Variants in PGAP2 observed in about 807,000 individuals in gnomAD.
PGAP2 encodes the protein post-GPI attachment to proteins 2.
PGAP2 carries 21 observed loss-of-function variants against 33.2 expected under a neutral mutation model. That is an observed-to-expected ratio of 0.63 (90% CI 0.45 to 0.91). The LOEUF (loss-of-function observed/expected upper bound fraction) is 0.91. Ranked by LOEUF, PGAP2 falls within the 40% of genes least tolerant of loss-of-function variation. PGAP2 has a pLI of 0.00. For synonymous variants in PGAP2, 161 were observed against 172.9 expected (o/e 0.93, Z 0.54); for missense variants, 345 against 424.0 (o/e 0.81, Z 1.64).
In PGAP2 at chr11:3,808,645, C is replaced by T. The variant is rs1016884906; in HGVS notation, c.-17C>T. ...GTTCCGCCGGCACTCTCGCCACCAC[C>T]GCGTGGGTGAGTATGGGCATGGATG... On this transcript the variant is annotated 5_prime_UTR_variant, in exon 1 of 7. Coordinates refer to ENST00000278243, the MANE Select transcript of PGAP2 (RefSeq NM_014489.4). 164 of 1,269,162 alleles carry T rather than the reference C, an allele frequency of 1.3e-4. No homozygotes were observed. Among genetic ancestry groups the T allele is most frequent in the Non-Finnish European group, 1.5e-4 (155 of 1,001,974 alleles). The allele number at this position is 1,269,162 out of a possible 1,614,324, so 78.6% of individuals were successfully genotyped here. A position where few individuals can be genotyped will look rare whatever the true frequency, so the allele number is the denominator to read the frequency against.
chr11:3,803,351 T>C (rs530667179), intron 1 of PGAP2, among the ~76,000 whole-genome samples: 1 of 148,826 alleles, frequency 6.7e-6, no homozygotes, highest in Non-Finnish European at 1.5e-5. Context: ...ATGGTCTCGA[T>C]CTCCTGACCT....
At chr11:3,818,563 C>T (rs890360881) in intron 3 of PGAP2, among the ~76,000 whole-genome samples, 5 of 152,142 alleles carry the variant, frequency 3.3e-5, no homozygotes, top group African/African-American at 9.7e-5. Flanking sequence ...TGATCTGGAT[C>T]CTCAAGCTTT....
At chr11:3,807,555 G>A (rs1355044637), upstream of PGAP2, among the ~76,000 whole-genome samples, 1 of 151,832 alleles carries the variant, frequency 6.6e-6, no homozygotes, top group Non-Finnish European at 1.5e-5. Flanking sequence ...TGATCCGCCC[G>A]CCTCGGCCTC....
chr11:3,823,059 CAG>C (rs1403750371), intron 3 of PGAP2: 3 of 484,266 alleles, frequency 6.2e-6, no homozygotes, highest in Non-Finnish European at 9.4e-6. Flanking sequence ...TTTTTTGAGA[CAG>C]AGTCTCACTC....
intron 1 of PGAP2, among the ~76,000 whole-genome samples, chr11:3,800,854 C>T (rs568290848): frequency 1.3e-3 from 200 of 151,338 alleles, no homozygotes; most frequent in Admixed American, 3.4e-3. Context: ...AATTTCCTGC[C>T]GGGAATGGTG....
chr11:3,814,869 T>G (rs528510967), intron 2 of PGAP2, among the ~76,000 whole-genome samples: 1 of 151,250 alleles, frequency 6.6e-6, no homozygotes, highest in Non-Finnish European at 1.5e-5. Context: ...TTTCTTTTCT[T>G]TCTTTTCTTC....
intron 3 of PGAP2, 80 bp from the exon 4 acceptor site, chr11:3,823,803 A>AT: frequency 1.3e-6 from 2 of 1,597,700 alleles, no homozygotes; most frequent in Non-Finnish European, 1.7e-6. Flanking sequence ...GGCAAGAGTG[A>AT]TTTTGTCAGA....
intron 5 of PGAP2, chr11:3,824,634 G>T (rs1419524020): frequency 8.7e-6 from 6 of 692,660 alleles, no homozygotes; most frequent in East Asian, 8.1e-5. Flanking sequence ...ATAGAATGAG[G>T]AGTCGCATCT....
intron 3 of PGAP2, among the ~76,000 whole-genome samples, chr11:3,818,237 G>A (rs1377452042): frequency 2.0e-5 from 3 of 150,490 alleles, no homozygotes; most frequent in African/African-American, 7.3e-5. Context: ...ATGGTGATGT[G>A]TGCCTGTAAT....
chr11:3,822,990 C>A, intron 3 of PGAP2: 1 of 1,453,034 alleles, frequency 6.9e-7, no homozygotes, highest in Non-Finnish European at 9.3e-7. Context: ...TTAGACTACC[C>A]CAGGTTAGGA....
upstream of PGAP2, among the ~76,000 whole-genome samples, chr11:3,806,471 G>A (rs77155510): frequency 0.028 from 4,189 of 152,236 alleles, 199 homozygotes; most frequent in African/African-American, 0.094. Context: ...CTCAGAGTGC[G>A]TCTGAGGTAT....
At chr11:3,808,141 G>A (rs2084768601), upstream of PGAP2, 4 of 1,454,706 alleles carry the variant, frequency 2.7e-6, no homozygotes, top group African/African-American at 2.8e-5. Flanking sequence ...CAAAGTTTGG[G>A]GGAGGGGCGC....
intron 1 of PGAP2, among the ~76,000 whole-genome samples, chr11:3,801,929 T>C (rs2083514185): frequency 6.6e-6 from 1 of 152,114 alleles, no homozygotes; most frequent in Non-Finnish European, 1.5e-5. Context: ...TCAGCCTGTG[T>C]GACAGAGGGA....
intron 3 of PGAP2, chr11:3,817,889 CA>C (rs769211190): frequency 4.3e-5 from 20 of 470,216 alleles, no homozygotes; most frequent in South Asian, 3.1e-4. Context: ...ACAAAAAATG[CA>C]AAAAAATTAG....
rs1254334583 is a variant in PGAP2 at position 3,808,595 on chromosome 11, G to A, written c.-67G>A. The A allele has an allele frequency of 3.0e-6, 4 of 1,343,564 alleles. No homozygotes were observed. The highest frequency in any genetic ancestry group is 3.5e-5 in the Admixed American group (1 of 28,870). The allele number at this position is 1,343,564 out of a possible 1,614,324, so 83.2% of individuals were successfully genotyped here. A position where few individuals can be genotyped will look rare whatever the true frequency, so the allele number is the denominator to read the frequency against. ...TGACCAGCCCGCAGAGCCAGCCCCCGACCCCGGGCCACCTGGGCCCCCGGG... is the reference window on the plus strand; with the variant it reads ...TGACCAGCCCGCAGAGCCAGCCCCCAACCCCGGGCCACCTGGGCCCCCGGG... On this transcript the variant is annotated 5_prime_UTR_variant, in exon 1 of 7. Transcript: ENST00000278243.
At chr11:3,810,124 TTC>T in intron 1 of PGAP2, among the ~76,000 whole-genome samples, 1 of 152,180 alleles carries the variant, frequency 6.6e-6, no homozygotes, top group Non-Finnish European at 1.5e-5. Context: ...GAGCCAGCCC[TTC>T]TCTCTCTCTG....
rs2085641390 is a variant in PGAP2 at position 3,811,852 on chromosome 11, G to C, written c.165+428G>C. ...GGGAAGTGGAGAGAGAACAGGATTG[G>C]GCTAGAGGGTATTTTGGGCCTCTTA... On this transcript the variant is annotated intron_variant, in intron 2 of 6. Coordinates refer to ENST00000278243, the MANE Select transcript of PGAP2 (RefSeq NM_014489.4). The surrounding 1 kb of genome is among the most constrained non-coding windows in gnomAD (Gnocchi z 4.6). Among the ~76,000 whole-genome samples, 1 of 152,128 alleles carries C rather than the reference G, an allele frequency of 6.6e-6. No homozygotes were observed. The highest frequency in any genetic ancestry group is 2.1e-4 in the South Asian group (1 of 4,824).
At chr11:3,823,511 T>C (rs997657143) in intron 3 of PGAP2, 34 of 1,251,192 alleles carry the variant, frequency 2.7e-5, no homozygotes, top group Non-Finnish European at 1.2e-5. Flanking sequence ...TCCTCTGGAC[T>C]GAATCTGAGG....
chr11:3,818,096 C>G (rs2087569135), intron 3 of PGAP2: 1 of 255,960 alleles, frequency 3.9e-6, no homozygotes, highest in Admixed American at 5.2e-5. Flanking sequence ...TGCACTGTGG[C>G]TCATGCCTGT....
Sources: allele counts gnomAD v4.1 joint callset (sites outside exome capture counted in the v4.1 genomes callset), GRCh38; gene constraint gnomAD v4.1.1; non-coding constraint Gnocchi (gnomAD v3.1); transcripts MANE v1.5; gene names NCBI Gene and HGNC (gene_info 2026-07-23, HGNC 2026-07-21).